Variants in ITPR1 observed in about 807,000 individuals in gnomAD.
ITPR1 encodes the protein inositol 1,4,5-trisphosphate-gated calcium channel ITPR1.
ITPR1 carries 96 observed loss-of-function variants against 318.4 expected under a neutral mutation model. The observed-to-expected ratio is 0.30, with a 90% confidence interval of 0.26 to 0.36. The LOEUF (loss-of-function observed/expected upper bound fraction) is 0.36. Among genes scored for constraint, ITPR1 ranks in the 10% least tolerant of loss-of-function variants. ITPR1 has a pLI of 1.00. For missense variants in ITPR1, 2,440 were observed against 3,460.2 expected (o/e 0.71, Z 7.40); for synonymous variants, 1,312 against 1,289.9 (o/e 1.02, Z -0.37).
chr3:4,520,972 A>T (rs2082519439), intron 3 of ITPR1, 52 bp from the exon 4 acceptor site: 1 of 1,353,552 alleles, frequency 7.4e-7, no homozygotes, highest in African/African-American at 1.4e-5. Flanking sequence ...GCATAGTGCT[A>T]AGAGTTTCAT....
chr3:4,700,238 A>G (rs918091941), intron 35 of ITPR1, among the ~76,000 whole-genome samples: 1 of 152,220 alleles, frequency 6.6e-6, no homozygotes, highest in South Asian at 2.1e-4. Flanking sequence ...GATAACATTT[A>G]TAAAACATCT....
Position 4,814,405 on chromosome 3 carries a change from T to TA in ITPR1, c.7562-17dup. 6.2e-7 allele frequency: 1 copy of TA among 1,613,860 alleles called. No individual in the cohort carries two copies. The highest frequency in any genetic ancestry group is 8.5e-7 in the Non-Finnish European group (1 of 1,179,742). On this transcript the variant is annotated splice_polypyrimidine_tract_variant and intron_variant, in intron 57 of 61. Coordinates refer to ENST00000649015, the MANE Select transcript of ITPR1 (RefSeq NM_001378452.1). Reference sequence around the variant, plus strand: ...TCTCCTCACGTTTTCTCTCTGTTGTTACTTGCCGTGTTCACAGAGCTGGTC... The same window carrying TA: ...TCTCCTCACGTTTTCTCTCTGTTGTTAACTTGCCGTGTTCACAGAGCTGGTC...
intron 10 of ITPR1, among the ~76,000 whole-genome samples, chr3:4,650,644 TGCGC>T (rs57689430): frequency 0.1 from 2,668 of 26,474 alleles, 76 homozygotes; most frequent in African/African-American, 0.15. Flanking sequence ...TGTGTGTGTG[TGCGC>T]GCGTCTGTCT....
intron 2 of ITPR1, among the ~76,000 whole-genome samples, chr3:4,512,764 C>A (rs2081929751): frequency 6.6e-6 from 1 of 152,128 alleles, no homozygotes; most frequent in Admixed American, 6.5e-5. Flanking sequence ...CTCACCACAG[C>A]CTCTTGAAGT....
chr3:4,576,473 T>A (rs982792563), intron 4 of ITPR1, among the ~76,000 whole-genome samples: 3 of 152,180 alleles, frequency 2.0e-5, no homozygotes, highest in African/African-American at 7.2e-5. Context: ...ACTAGGAGTC[T>A]TGGCAGGGAG....
chr3:4,611,733 G>T (rs2092134968), intron 4 of ITPR1, among the ~76,000 whole-genome samples: 1 of 152,052 alleles, frequency 6.6e-6, no homozygotes, highest in Non-Finnish European at 1.5e-5. Context: ...GTGCCAGCGA[G>T]ACCTTCTCTC....
chr3:4,606,199 A>C (rs2091689945), intron 4 of ITPR1, among the ~76,000 whole-genome samples: 1 of 152,072 alleles, frequency 6.6e-6, no homozygotes, highest in East Asian at 1.9e-4. Context: ...GCAGTACTAG[A>C]ATGAAGGTAG....
At chr3:4,728,552 G>T (rs1016346799) in intron 42 of ITPR1, among the ~76,000 whole-genome samples, 3 of 152,012 alleles carry the variant, frequency 2.0e-5, no homozygotes, top group Non-Finnish European at 4.4e-5. Context: ...TGGAGAATGG[G>T]GTATCCATCC....
intron 38 of ITPR1, 151 bp from the exon 39 acceptor site, chr3:4,711,606 C>T (rs1459156947): frequency 3.4e-6 from 2 of 595,786 alleles, no homozygotes; most frequent in Non-Finnish European, 6.0e-6. Context: ...TGGCTGTTCT[C>T]AGTGCAGGGA....
intron 3 of ITPR1, among the ~76,000 whole-genome samples, chr3:4,520,014 T>C (rs2082441067): frequency 6.6e-6 from 1 of 152,110 alleles, no homozygotes; most frequent in African/African-American, 2.4e-5. Context: ...AAGGGAATCT[T>C]GGAGAATAGA....
intron 4 of ITPR1, among the ~76,000 whole-genome samples, chr3:4,536,841 T>A (rs1318146656): frequency 6.6e-6 from 1 of 152,226 alleles, no homozygotes; most frequent in African/African-American, 2.4e-5. Flanking sequence ...TGAGTTGATA[T>A]TTAGCAAATA....
intron 49 of ITPR1, among the ~76,000 whole-genome samples, chr3:4,780,205 C>G (rs2046739317): frequency 6.6e-6 from 1 of 152,174 alleles, no homozygotes; most frequent in South Asian, 2.1e-4. Context: ...GCACCATGCT[C>G]AGCACCTGAT....
In ITPR1 at chr3:4,756,786, G is replaced by T. The variant is rs563486823; in HGVS notation, c.5545-9744G>T. The stretch of plus-strand genomic sequence containing the variant: ...CCATTCAACCTACCAGAACCAACTA[G>T]AATTATCACTGGATGCAAGTTGGAC... On this transcript the variant is annotated intron_variant, in intron 44 of 61. Transcript: ENST00000649015. Among the ~76,000 whole-genome samples the T allele has an allele frequency of 9.8e-5, 15 of 152,310 alleles. No individual in the cohort carries two copies. The East Asian group carries it at 2.3e-3, about 23-fold the overall frequency.
chr3:4,752,465 C>G (rs551248022), intron 44 of ITPR1, among the ~76,000 whole-genome samples: 1 of 152,238 alleles, frequency 6.6e-6, no homozygotes, highest in Admixed American at 6.5e-5. Flanking sequence ...CGGATAAGCC[C>G]GTAGAGGTGA....
intron 4 of ITPR1, among the ~76,000 whole-genome samples, chr3:4,603,017 A>C (rs1248543027): frequency 1.3e-5 from 2 of 152,294 alleles, no homozygotes; most frequent in East Asian, 3.9e-4. Flanking sequence ...AAAAATGACT[A>C]CATGTAAAAA....
In ITPR1 at chr3:4,846,273, TG is replaced by T; in HGVS notation, c.*49del. 7.8e-7 allele frequency: 1 copy of T among 1,276,166 alleles called. No homozygotes were observed. The highest frequency in any genetic ancestry group is 1.3e-5 in the South Asian group (1 of 77,488). The allele number at this position is 1,276,166 out of a possible 1,614,324, so 79.1% of individuals were successfully genotyped here. A position where few individuals can be genotyped will look rare whatever the true frequency, so the allele number is the denominator to read the frequency against. ...ATTTACCTTTTATAATTATTATTAGTGTGGGTATGGCTAATGAGTTCTGATT... is the reference window on the plus strand; with the variant it reads ...ATTTACCTTTTATAATTATTATTAGTTGGGTATGGCTAATGAGTTCTGATT... On this transcript the variant is annotated 3_prime_UTR_variant, in exon 62 of 62. Transcript: ENST00000649015.
At chr3:4,549,702 T>C (rs929275264) in intron 4 of ITPR1, among the ~76,000 whole-genome samples, 1 of 152,324 alleles carries the variant, frequency 6.6e-6, no homozygotes, top group African/African-American at 2.4e-5. Flanking sequence ...TTCTTCATCT[T>C]GGGTTTTCAT....
Position 4,684,070 on chromosome 3 carries a change from G to T in ITPR1, c.3499-211G>T, listed in dbSNP as rs564291467. On this transcript the variant is annotated intron_variant, in intron 28 of 61. Coordinates refer to ENST00000649015, the MANE Select transcript of ITPR1 (RefSeq NM_001378452.1). The stretch of plus-strand genomic sequence containing the variant: ...TCCCTTACAGACCCACTTGGGAATT[G>T]ACCTGTTCTCTAGGCATGGCCCAGC... Among the ~76,000 whole-genome samples, 104 of 152,312 alleles carry T rather than the reference G, an allele frequency of 6.8e-4. 2 individuals are homozygous for T. The South Asian group carries it at 0.021, about 30-fold the overall frequency.
chr3:4,818,574 T>C (rs555177939), intron 60 of ITPR1, among the ~76,000 whole-genome samples: 1 of 152,196 alleles, frequency 6.6e-6, no homozygotes, highest in African/African-American at 2.4e-5. Context: ...ATCTGCCTCT[T>C]TTCTTGATAG....
Sources: gnomAD v4.1 joint callset for allele counts (sites outside exome capture counted in the v4.1 genomes callset) on GRCh38, gnomAD v4.1.1 for gene constraint, MANE v1.5 for transcripts, NCBI Gene and HGNC (gene_info 2026-07-23, HGNC 2026-07-21) for gene names.